MRTFB: variants seen among roughly 807,000 people sequenced by gnomAD.
MRTFB encodes the protein myocardin-related transcription factor B.
A neutral mutation model predicts 104.2 loss-of-function variants in MRTFB; 29 were observed. The ratio of observed to expected loss-of-function variants is 0.28; its 90% CI spans 0.21 to 0.38. The LOEUF is 0.38. MRTFB is among the 10% of genes least tolerant of loss of function. MRTFB has a pLI of 1.00. For missense variants in MRTFB, 1,270 were observed against 1,341.6 expected, an observed-to-expected ratio of 0.95 and a Z score of 0.83; for synonymous variants, 535 against 519.5, an observed-to-expected ratio of 1.03 and a Z score of -0.41.
rs1435464833 is a variant in MRTFB at position 14,169,267 on chromosome 16, C to A, written c.154+28507C>A. Among the ~76,000 whole-genome samples the A allele has an allele frequency of 2.0e-5, 3 of 152,214 alleles. No individual in the cohort carries two copies. The East Asian group carries it at 5.8e-4, about 29-fold the overall frequency. On this transcript the variant is annotated intron_variant, in intron 3 of 16. Transcript: ENST00000571589. ...CAACTTCAGTGTTTGCTTAAAATGT[C>A]CTTATTTGAGTAGGAACAAATTATC...
At chr16:14,066,736 G>A (rs1026708967), upstream of MRTFB, among the ~76,000 whole-genome samples, 2 of 151,978 alleles carry the variant, frequency 1.3e-5, no homozygotes, top group African/African-American at 4.8e-5. Context: ...GCAGTGGCAC[G>A]ATCACAGCAT....
Position 14,259,284 on chromosome 16 carries a change from A to T in MRTFB, c.2764+1123A>T, listed in dbSNP as rs189430962. Reference sequence around the variant, plus strand: ...ACCCCCGTCTCTACTAAAAATACAAAAATTAGCAAAAATTAGCCGGGTGTG... The same window carrying T: ...ACCCCCGTCTCTACTAAAAATACAATAATTAGCAAAAATTAGCCGGGTGTG... On this transcript the variant is annotated intron_variant, in intron 16 of 16. Transcript: ENST00000571589. Among the ~76,000 whole-genome samples the T allele has an allele frequency of 4.2e-3, 630 of 150,144 alleles. 2 individuals carry two copies. Among genetic ancestry groups the T allele is most frequent in the South Asian group, 8.7e-3 (41 of 4,702 alleles).
chr16:14,017,421 A>G, the MRTFB span, among the ~76,000 whole-genome samples: 22 of 151,564 alleles, frequency 1.5e-4, no homozygotes, highest in African/African-American at 4.8e-4. Context: ...AACTGGAACA[A>G]GAGATGAATG....
intron 9 of MRTFB, among the ~76,000 whole-genome samples, chr16:14,237,823 CAGTG>C (rs2042587489): frequency 1.3e-5 from 2 of 152,002 alleles, no homozygotes; most frequent in African/African-American, 4.8e-5. Flanking sequence ...CATCAGTTGA[CAGTG>C]AGGATGGGGG....
At chr16:14,014,563 A>C in the MRTFB span, among the ~76,000 whole-genome samples, 1 of 148,932 alleles carries the variant, frequency 6.7e-6, no homozygotes, top group Admixed American at 6.7e-5. Context: ...TCTCAAAAAG[A>C]AAAAAAAAAG....
chr16:14,195,444 A>G (rs1352520571), intron 3 of MRTFB: 1 of 835,826 alleles, frequency 1.2e-6, no homozygotes, highest in Admixed American at 6.2e-5. Context: ...ACATAGGTAT[A>G]TGTACAAATG....
At chr16:14,049,100 C>T in the MRTFB span, among the ~76,000 whole-genome samples, 1 of 152,158 alleles carries the variant, frequency 6.6e-6, no homozygotes, top group Non-Finnish European at 1.5e-5. Context: ...ATACTACTGG[C>T]GTCTAGTGGG....
the MRTFB span, among the ~76,000 whole-genome samples, chr16:14,016,555 C>T: frequency 6.6e-6 from 1 of 151,982 alleles, no homozygotes; most frequent in Non-Finnish European, 1.5e-5. Flanking sequence ...GGTGGATCAC[C>T]TGAGGTCGGG....
intron 6 of MRTFB, among the ~76,000 whole-genome samples, chr16:14,215,612 C>A (rs1156949934): frequency 6.6e-6 from 1 of 152,186 alleles, no homozygotes; most frequent in Non-Finnish European, 1.5e-5. Context: ...AGATCTTAAC[C>A]AGAGGCATTG....
At chr16:14,178,786 G>A (rs1404312551) in intron 3 of MRTFB, among the ~76,000 whole-genome samples, 2 of 151,572 alleles carry the variant, frequency 1.3e-5, no homozygotes, top group African/African-American at 4.9e-5. Context: ...TTCTCACTTC[G>A]TCGACAAGGC....
chr16:14,111,263 A>T (rs2036252352), intron 2 of MRTFB, among the ~76,000 whole-genome samples: 1 of 152,232 alleles, frequency 6.6e-6, no homozygotes, highest in Admixed American at 6.5e-5. Flanking sequence ...TTTGGGAGGC[A>T]GCAGGGAAAG....
intron 3 of MRTFB, among the ~76,000 whole-genome samples, chr16:14,206,025 C>G (rs1255563460): frequency 6.7e-6 from 1 of 148,422 alleles, no homozygotes; most frequent in Non-Finnish European, 1.5e-5. Flanking sequence ...GGCAGTTGTG[C>G]AAGGCTGAGT....
the MRTFB span, among the ~76,000 whole-genome samples, chr16:14,036,086 C>A: frequency 7.9e-6 from 1 of 126,752 alleles, no homozygotes; most frequent in African/African-American, 3.0e-5. Context: ...AGTAGTATTC[C>A]ATCATATATA....
At chr16:14,081,642 C>T (rs2034412885) in intron 2 of MRTFB, among the ~76,000 whole-genome samples, 1 of 151,524 alleles carries the variant, frequency 6.6e-6, no homozygotes. Context: ...TGCAGTGGTG[C>T]AATCACGGCT....
chr16:14,117,594 T>C (rs2036608304), intron 2 of MRTFB, among the ~76,000 whole-genome samples: 1 of 152,220 alleles, frequency 6.6e-6, no homozygotes, highest in Non-Finnish European at 1.5e-5. Flanking sequence ...AACTGGCACA[T>C]TGTAGGCATT....
chr16:14,135,104 G>T (rs1390058699), intron 2 of MRTFB, among the ~76,000 whole-genome samples: 1 of 152,094 alleles, frequency 6.6e-6, no homozygotes, highest in African/African-American at 2.4e-5. Flanking sequence ...TTTTTTCAGC[G>T]TTCTGGCCTT....
At chr16:14,072,241 T>C (rs2033749925) in intron 1 of MRTFB, among the ~76,000 whole-genome samples, 1 of 152,142 alleles carries the variant, frequency 6.6e-6, no homozygotes, top group Admixed American at 6.5e-5. Flanking sequence ...CCCTCTTTAC[T>C]ACCCTGAAAT....
At position 14,247,469 on chromosome 16, in the gene MRTFB, A is replaced by C; in HGVS notation, c.2209A>C (p.Thr737Pro). 6.3e-7 allele frequency: 1 copy of C among 1,582,468 alleles called. No individual in the cohort carries two copies. Among genetic ancestry groups the C allele is most frequent in the Non-Finnish European group, 8.6e-7 (1 of 1,169,184 alleles). Residue 737 changes from threonine to proline, a missense_variant, in exon 12 of 17, where the codon ACC (threonine) becomes CCC (proline). Physicochemically the swap from Thr to Pro is conservative, Grantham distance 38. Coordinates refer to ENST00000571589, the MANE Select transcript of MRTFB (RefSeq NM_001308142.2). ...AGTGTCCATCCAGGGCTCGAGTGTC[A>C]CCTCAGTGCAACTCCCTGTAGGCAG... is the stretch of plus-strand genomic sequence containing the variant. The part of the protein sequence containing the change: ...LPVSIQGSSV[T>P]SVQLPVGSLK...
chr16:14,050,013 G>A, the MRTFB span, among the ~76,000 whole-genome samples: 3 of 152,178 alleles, frequency 2.0e-5, no homozygotes, highest in Admixed American at 6.5e-5. Context: ...GATTACAGGC[G>A]TGAGCCACCA....
Sources: allele counts gnomAD v4.1 joint callset (sites outside exome capture counted in the v4.1 genomes callset), GRCh38; gene constraint gnomAD v4.1.1; transcripts MANE v1.5; gene names NCBI Gene and HGNC (gene_info 2026-07-23, HGNC 2026-07-21).